SULT6B1: variants seen among roughly 807,000 people sequenced by gnomAD.
The protein encoded by SULT6B1 is sulfotransferase family 6B member 1.
SULT6B1 carries 44 observed loss-of-function variants against 37.2 expected under a neutral mutation model. The observed-to-expected ratio is 1.18, with a 90% confidence interval of 0.93 to 1.52. The LOEUF is 1.52. SULT6B1 is among the 40% of genes most tolerant of loss of function. The pLI, the probability that SULT6B1 is intolerant of heterozygous loss-of-function variation, is 0.00. For missense variants in SULT6B1, 450 were observed against 361.0 expected (o/e 1.25, Z -2.00); for synonymous variants, 140 against 126.0 (o/e 1.11, Z -0.74).
intron 6 of SULT6B1, among the ~76,000 whole-genome samples, chr2:37,170,495 G>C (rs1052461388): frequency 2.8e-5 from 4 of 143,112 alleles, no homozygotes; most frequent in African/African-American, 1.0e-4. Context: ...AAATAAGAGA[G>C]AGGAAAAAAA....
rs144797426 is a variant in SULT6B1, at chr2:37,178,148, A to C, written c.529+1310T>G. On this transcript the variant is annotated intron_variant, in intron 4 of 6. Transcript: ENST00000535679. ...CAACCTCTGCCTCCTGGATTCAAAC[A>C]ATTCTCCTGCATCAGCCTCCCAAGT... 7.1e-3 allele frequency among the ~76,000 whole-genome samples: 1,075 copies of C among 152,188 alleles called. 11 individuals are homozygous for C. Among genetic ancestry groups the C allele is most frequent in the South Asian group, 0.027 (129 of 4,808 alleles).
At chr2:37,170,054 G>C (rs970607092) in intron 6 of SULT6B1, among the ~76,000 whole-genome samples, 2 of 152,124 alleles carry the variant, frequency 1.3e-5, no homozygotes, top group Non-Finnish European at 2.9e-5. Context: ...CTTTCCCATA[G>C]TCATTTTCTT....
chr2:37,193,294 T>TA (rs55842015), upstream of SULT6B1, among the ~76,000 whole-genome samples: 91,104 of 131,360 alleles, frequency 0.69, 31,636 homozygotes, highest in East Asian at 0.95. Context: ...TGTCTCTACT[T>TA]AAAAAAAAAA....
intron 2 of SULT6B1, 35 bp from the exon 3 acceptor site, chr2:37,183,549 C>G (rs763611464): frequency 6.6e-7 from 1 of 1,526,210 alleles, no homozygotes; most frequent in Non-Finnish European, 9.1e-7. Flanking sequence ...AAAATGTGCA[C>G]GTGTGTGCAT....
intron 6 of SULT6B1, among the ~76,000 whole-genome samples, chr2:37,170,355 T>C (rs1468278120): frequency 6.6e-6 from 1 of 152,082 alleles, no homozygotes; most frequent in Non-Finnish European, 1.5e-5. Context: ...TAATCCCAGC[T>C]ACTCAGGAGG....
intron 4 of SULT6B1, 93 bp downstream of exon 4, chr2:37,179,365 A>G: frequency 1.3e-6 from 2 of 1,535,054 alleles, no homozygotes; most frequent in Non-Finnish European, 1.8e-6. Context: ...GATCTACCTA[A>G]ATCTTCTTCC....
intron 3 of SULT6B1, among the ~76,000 whole-genome samples, chr2:37,183,157 A>G (rs986897172): frequency 4.6e-5 from 7 of 152,204 alleles, no homozygotes; most frequent in African/African-American, 1.7e-4. Flanking sequence ...TAAATATTCT[A>G]TCAGGATTCA....
chr2:37,187,519 A>G (rs1223970572), intron 1 of SULT6B1, 52 bp from the exon 2 acceptor site: 1 of 1,130,794 alleles, frequency 8.8e-7, no homozygotes. Flanking sequence ...TGATATAACA[A>G]AAGGACGTTA....
At chr2:37,172,478 G>T (rs937425658) in intron 5 of SULT6B1, among the ~76,000 whole-genome samples, 2 of 151,976 alleles carry the variant, frequency 1.3e-5, no homozygotes, top group Non-Finnish European at 2.9e-5. Flanking sequence ...TTATATACAT[G>T]CATCCTATAA....
chr2:37,172,401 C>G (rs1676324229), intron 5 of SULT6B1, among the ~76,000 whole-genome samples: 1 of 152,160 alleles, frequency 6.6e-6, no homozygotes, highest in African/African-American at 2.4e-5. Context: ...TGGGGCAACA[C>G]TTGTATTCTA....
Position 37,183,409 on chromosome 2 carries a change from AG to A in SULT6B1, c.402+15del. The A allele has an allele frequency of 6.2e-7, 1 of 1,601,016 alleles. No homozygotes were observed. Among genetic ancestry groups the A allele is most frequent in the Non-Finnish European group, 8.6e-7 (1 of 1,168,972 alleles). On this transcript the variant is annotated intron_variant, in intron 3 of 6. Transcript: ENST00000535679. ...ATAGAAATTTCAAAGAATTATCAGT[AG>A]GAAAGGACACTCACCTTGGCTTTAT...
Position 37,182,206 on chromosome 2 carries a change from A to G in SULT6B1, c.402+1219T>C, listed in dbSNP as rs371902334. ...TCCTGTTGTGCCTTTCTTTGCTCTTACCTCACTATTCTCCCATTCTTCTTG... is the reference window on the plus strand; with the variant it reads ...TCCTGTTGTGCCTTTCTTTGCTCTTGCCTCACTATTCTCCCATTCTTCTTG... On this transcript the variant is annotated intron_variant, in intron 3 of 6. Transcript: ENST00000535679. Among the ~76,000 whole-genome samples, 48 of 150,682 alleles carry G rather than the reference A, an allele frequency of 3.2e-4. No homozygotes were observed. The East Asian group carries it at 6.0e-3, about 19-fold the overall frequency.
In SULT6B1 at chr2:37,187,387, C is replaced by T; in HGVS notation, c.280G>A (p.Val94Ile). ...KKKYKYPEFP[V>I]LECGDSEKYQ... ...TTTTCTGAATCCCCACATTCAAGAA[C>T]TGGGAATTCTGGATATTTATACTTT... The change falls in exon 2 of 7, where the codon GTT becomes ATT. Residue 94 changes from valine (V) to isoleucine (I), a missense_variant. Val to Ile is a conservative substitution (Grantham distance 29, BLOSUM62 3). Coordinates refer to ENST00000535679, the MANE Select transcript of SULT6B1 (RefSeq NM_001367551.1). The T allele has an allele frequency of 3.7e-6, 6 of 1,605,844 alleles. No individual in the cohort carries two copies. The highest frequency in any genetic ancestry group is 5.1e-6 in the Non-Finnish European group (6 of 1,173,996).
upstream of SULT6B1, among the ~76,000 whole-genome samples, chr2:37,189,414 A>G (rs1023365653): frequency 6.6e-6 from 1 of 152,226 alleles, no homozygotes; most frequent in Non-Finnish European, 1.5e-5. Context: ...TTAGAGCAGG[A>G]AAGAAAGGAA....
chr2:37,182,485 C>G (rs1244359414), intron 3 of SULT6B1, among the ~76,000 whole-genome samples: 1 of 152,024 alleles, frequency 6.6e-6, no homozygotes, highest in African/African-American at 2.4e-5. Context: ...AACGCAATTA[C>G]TTTTGCACCA....
upstream of SULT6B1, among the ~76,000 whole-genome samples, chr2:37,189,449 G>T (rs1676739363): frequency 6.6e-6 from 1 of 152,186 alleles, no homozygotes; most frequent in African/African-American, 2.4e-5. Flanking sequence ...ACACCCAAGT[G>T]GATGACTTCA....
rs769264379 is a variant in SULT6B1, at chr2:37,188,431, T to C, written c.199+11A>G. On this transcript the variant is annotated intron_variant, in intron 1 of 6. Transcript: ENST00000535679. ...GAGAAGTGTACTTGTAGGAAACGACTTGTCATTTACCGCACTTTGGATAAG... is the reference window on the plus strand; with the variant it reads ...GAGAAGTGTACTTGTAGGAAACGACCTGTCATTTACCGCACTTTGGATAAG... 1 of 1,609,736 alleles carries C rather than the reference T, an allele frequency of 6.2e-7. No homozygotes were observed. Among genetic ancestry groups the C allele is most frequent in the Non-Finnish European group, 8.5e-7 (1 of 1,176,860 alleles).
At chr2:37,193,460 T>G (rs1213415260), upstream of SULT6B1, among the ~76,000 whole-genome samples, 1 of 151,540 alleles carries the variant, frequency 6.6e-6, no homozygotes, top group Non-Finnish European at 1.5e-5. Flanking sequence ...AGACTCTGTC[T>G]CAAAATATAA....
chr2:37,180,811 G>A (rs762199539), intron 3 of SULT6B1, among the ~76,000 whole-genome samples: 4 of 152,140 alleles, frequency 2.6e-5, no homozygotes, highest in Non-Finnish European at 2.9e-5. Flanking sequence ...TTGAACCTAG[G>A]AGACGGAGGT....
Sources: allele counts gnomAD v4.1 joint callset (sites outside exome capture counted in the v4.1 genomes callset), GRCh38; gene constraint gnomAD v4.1.1; transcripts MANE v1.5; gene names NCBI Gene and HGNC (gene_info 2026-07-23, HGNC 2026-07-21).